LHFPL2: variants seen among roughly 807,000 people sequenced by gnomAD.
LHFPL2 encodes the protein LHFPL tetraspan subfamily member 2 protein.
Under a neutral mutation model 17.5 loss-of-function variants are expected in LHFPL2, and 7 were observed. The ratio of observed to expected loss-of-function variants is 0.40; its 90% CI spans 0.23 to 0.75. The LOEUF is 0.75. Among genes scored for constraint, LHFPL2 ranks in the 30% least tolerant of loss-of-function variants. LHFPL2 has a pLI of 0.37. For synonymous variants in LHFPL2, 134 were observed against 116.2 expected (o/e 1.15, Z -0.99); for missense variants, 241 against 294.8 (o/e 0.82, Z 1.34).
At chr5:78,562,219 G>A (rs1038211025) in intron 3 of LHFPL2, among the ~76,000 whole-genome samples, 1 of 152,176 alleles carries the variant, frequency 6.6e-6, no homozygotes, top group African/African-American at 2.4e-5. Flanking sequence ...TTATCCATGA[G>A]TAGAGATGAG....
At chr5:78,516,315 C>T (rs1247285922) in intron 3 of LHFPL2, among the ~76,000 whole-genome samples, 1 of 152,180 alleles carries the variant, frequency 6.6e-6, no homozygotes, top group African/African-American at 2.4e-5. Context: ...CTGATCGACT[C>T]CTCTTCTCCA....
chr5:78,622,945 G>C (rs573156315), intron 2 of LHFPL2, among the ~76,000 whole-genome samples: 6 of 152,216 alleles, frequency 3.9e-5, no homozygotes, highest in Non-Finnish European at 7.4e-5. Flanking sequence ...ATGAAACTGG[G>C]GTGATGATTG....
chr5:78,494,805 G>A (rs781392398), intron 4 of LHFPL2, among the ~76,000 whole-genome samples: 1 of 152,204 alleles, frequency 6.6e-6, no homozygotes, highest in Non-Finnish European at 1.5e-5. Flanking sequence ...CTAAATACGT[G>A]GTTTGCATTT....
chr5:78,557,254 G>A (rs1400989209), intron 3 of LHFPL2, among the ~76,000 whole-genome samples: 3 of 152,182 alleles, frequency 2.0e-5, no homozygotes, highest in Non-Finnish European at 4.4e-5. Context: ...CTAGGGGTTT[G>A]CCCCAATGAC....
At chr5:78,579,788 A>G (rs867976111) in intron 2 of LHFPL2, among the ~76,000 whole-genome samples, 1 of 152,190 alleles carries the variant, frequency 6.6e-6, no homozygotes, top group African/African-American at 2.4e-5. Context: ...ATTGTGAATA[A>G]TGCCGCAATA....
chr5:78,575,308 G>A (rs1757101295), intron 2 of LHFPL2, among the ~76,000 whole-genome samples: 1 of 152,192 alleles, frequency 6.6e-6, no homozygotes, highest in Non-Finnish European at 1.5e-5. Flanking sequence ...CAGCACTTTG[G>A]GAGGCCGAGG....
intron 3 of LHFPL2, among the ~76,000 whole-genome samples, chr5:78,519,447 A>C (rs921908511): frequency 6.6e-5 from 10 of 152,132 alleles, no homozygotes; most frequent in Admixed American, 2.0e-4. Context: ...AGGCTTCAGG[A>C]AGGGTACACA....
chr5:78,621,844 T>C (rs1325536192), intron 2 of LHFPL2, among the ~76,000 whole-genome samples: 1 of 152,092 alleles, frequency 6.6e-6, no homozygotes, highest in Non-Finnish European at 1.5e-5. Flanking sequence ...AAATACATTT[T>C]ACACAATTTT....
chr5:78,616,784 G>A lies in LHFPL2; in HGVS notation c.-245+15480C>T, dbSNP rs567919989. 3.9e-5 allele frequency among the ~76,000 whole-genome samples: 6 copies of A among 152,220 alleles called. No individual in the cohort carries two copies. The East Asian group carries it at 7.7e-4, about 20-fold the overall frequency. On this transcript the variant is annotated intron_variant, in intron 2 of 4. Transcript: ENST00000380345. ...ATGACCCCAGCATTAACAGTGACAC[G>A]CCTGATGTCCACAGCCCTGACAACC...
At chr5:78,514,357 TAA>T (rs56725399) in intron 3 of LHFPL2, among the ~76,000 whole-genome samples, 6 of 147,094 alleles carry the variant, frequency 4.1e-5, no homozygotes, top group Non-Finnish European at 4.5e-5. Flanking sequence ...CCTCTTCACT[TAA>T]AAAAAAAAAA....
At chr5:78,499,694 C>G (rs184552771) in intron 4 of LHFPL2, among the ~76,000 whole-genome samples, 19 of 152,256 alleles carry the variant, frequency 1.2e-4, no homozygotes, top group Non-Finnish European at 4.4e-5. Context: ...ACAGGAGTGC[C>G]GTGAGGGGTT....
At chr5:78,576,348 A>G (rs1757136137) in intron 2 of LHFPL2, among the ~76,000 whole-genome samples, 1 of 152,174 alleles carries the variant, frequency 6.6e-6, no homozygotes, top group South Asian at 2.1e-4. Flanking sequence ...GAAAGAAATT[A>G]GAGTCTTCAT....
chr5:78,488,941 G>GTACTT lies in LHFPL2; in HGVS notation c.638_642dup (p.Gln215LysfsTer12). On this transcript the variant is annotated frameshift_variant, in exon 5 of 5. Coordinates refer to ENST00000380345, the MANE Select transcript of LHFPL2 (RefSeq NM_005779.3). LOFTEE classifies it high-confidence loss of function. ...TTTTTCCCCTCTTCAATTTCTTCCT[G>GTACTT]TACTTTGTCACTAGAGGTTGCAATT... is the stretch of plus-strand genomic sequence containing the variant. The GTACTT allele has an allele frequency of 1.9e-6, 3 of 1,614,052 alleles. No homozygotes were observed. The highest frequency in any genetic ancestry group is 1.3e-5 in the African/African-American group (1 of 75,008).
At chr5:78,567,569 A>C (rs1261237368) in intron 2 of LHFPL2, among the ~76,000 whole-genome samples, 1 of 152,082 alleles carries the variant, frequency 6.6e-6, no homozygotes, top group African/African-American at 2.4e-5. Context: ...AAGTTTATGA[A>C]GTAATAAGAG....
chr5:78,645,557 C>T (rs1016309826), intron 1 of LHFPL2, among the ~76,000 whole-genome samples: 3 of 147,650 alleles, frequency 2.0e-5, no homozygotes, highest in Non-Finnish European at 4.5e-5. Context: ...CACACACACA[C>T]ACACACACAC....
At chr5:78,521,326 C>T (rs1007648606) in intron 3 of LHFPL2, among the ~76,000 whole-genome samples, 2 of 152,186 alleles carry the variant, frequency 1.3e-5, no homozygotes, top group Non-Finnish European at 2.9e-5. Flanking sequence ...TTACATCTAT[C>T]CAGGGGCAAT....
chr5:78,597,322 G>GT (rs1003025885), intron 2 of LHFPL2, among the ~76,000 whole-genome samples: 4 of 152,212 alleles, frequency 2.6e-5, no homozygotes, highest in Admixed American at 1.3e-4. Context: ...GTCTCTTCCA[G>GT]TTTTTTTCAA....
intron 3 of LHFPL2, among the ~76,000 whole-genome samples, chr5:78,553,799 A>T (rs2112397591): frequency 1.3e-5 from 2 of 152,312 alleles, no homozygotes; most frequent in South Asian, 4.1e-4. Context: ...TACATGGAAA[A>T]AATACCGTAA....
intron 2 of LHFPL2, among the ~76,000 whole-genome samples, chr5:78,586,912 T>A (rs1466648888): frequency 6.6e-6 from 1 of 152,238 alleles, no homozygotes; most frequent in Admixed American, 6.5e-5. Flanking sequence ...TCTTTTTAAT[T>A]CTTTTTGCTG....
Sources: gnomAD v4.1 joint callset for allele counts (sites outside exome capture counted in the v4.1 genomes callset) on GRCh38, gnomAD v4.1.1 for gene constraint, MANE v1.5 for transcripts, NCBI Gene and HGNC (gene_info 2026-07-23, HGNC 2026-07-21) for gene names.